EDARADD: variants seen among roughly 807,000 people sequenced by gnomAD.
EDARADD encodes the protein ectodysplasin-A receptor-associated adapter protein.
In EDARADD, 20 loss-of-function variants were observed where a neutral mutation model predicts 25.6. The observed-to-expected ratio is 0.78, with a 90% CI of 0.55 to 1.14. The LOEUF is 1.14. EDARADD is among the 50% of genes most tolerant of loss of function. The probability of loss-of-function intolerance (pLI) is 0.00; values close to 1 mark genes in which losing one functional copy is unlikely to be tolerated. For missense variants in EDARADD, 225 were observed against 270.1 expected, an observed-to-expected ratio of 0.83 and a Z score of 1.17; for synonymous variants, 86 against 94.4, an observed-to-expected ratio of 0.91 and a Z score of 0.52.
intron 5 of EDARADD, among the ~76,000 whole-genome samples, chr1:236,478,359 A>ATATG (rs139654551): frequency 5.5e-5 from 8 of 144,804 alleles, no homozygotes; most frequent in African/African-American, 2.1e-4. Context: ...CCATATATAT[A>ATATG]TGTGTGTGTG....
chr1:236,408,290 C>T (rs770885534), intron 1 of EDARADD, among the ~76,000 whole-genome samples: 5 of 152,046 alleles, frequency 3.3e-5, no homozygotes, highest in Non-Finnish European at 5.9e-5. Flanking sequence ...GCAACCTCCA[C>T]CTCCCAGGTT....
chr1:236,481,560 C>G (rs1428634079), intron 5 of EDARADD, among the ~76,000 whole-genome samples: 10 of 146,102 alleles, frequency 6.8e-5, no homozygotes, highest in South Asian at 6.5e-4. Flanking sequence ...TCTAGGAGTT[C>G]AAGACCAGCC....
intron 3 of EDARADD, among the ~76,000 whole-genome samples, chr1:236,377,811 T>A (rs1043728015): frequency 1.3e-5 from 2 of 151,654 alleles, no homozygotes; most frequent in Non-Finnish European, 2.9e-5. Flanking sequence ...TGAGCCAAGA[T>A]CGTGCCACTG....
chr1:236,420,728 C>T (rs187348898), intron 3 of EDARADD, among the ~76,000 whole-genome samples: 25 of 152,190 alleles, frequency 1.6e-4, no homozygotes, highest in Non-Finnish European at 3.4e-4. Context: ...AATTTGATAT[C>T]ACGTTGTTAA....
At chr1:236,451,172 A>C (rs989679383) in intron 4 of EDARADD, among the ~76,000 whole-genome samples, 3 of 152,104 alleles carry the variant, frequency 2.0e-5, no homozygotes, top group Admixed American at 2.0e-4. Context: ...AGAATCTACT[A>C]TCTTGATTCT....
intron 3 of EDARADD, among the ~76,000 whole-genome samples, chr1:236,381,390 C>T (rs1011480709): frequency 4.0e-5 from 6 of 151,570 alleles, no homozygotes; most frequent in African/African-American, 7.3e-5. Flanking sequence ...ATGTGCACAA[C>T]GTGCAGGTTT....
At chr1:236,401,004 G>T (rs1667604593) in intron 1 of EDARADD, among the ~76,000 whole-genome samples, 1 of 151,928 alleles carries the variant, frequency 6.6e-6, no homozygotes, top group African/African-American at 2.4e-5. Context: ...CAAGAACCAG[G>T]CTGGCCAACA....
chr1:236,471,778 CT>C (rs1659367326), intron 5 of EDARADD, among the ~76,000 whole-genome samples: 1 of 152,192 alleles, frequency 6.6e-6, no homozygotes, highest in African/African-American at 2.4e-5. Flanking sequence ...GTGGCAATCA[CT>C]CTCCAAAAGC....
chr1:236,433,898 A>AC (rs1254284918), intron 4 of EDARADD, among the ~76,000 whole-genome samples: 4 of 147,136 alleles, frequency 2.7e-5, no homozygotes, highest in Non-Finnish European at 4.5e-5. Flanking sequence ...AACAAAAAAA[A>AC]CAAAAAAAAA....
chr1:236,394,438 C>G lies in EDARADD; in HGVS notation c.-7C>G. On this transcript the variant is annotated 5_prime_UTR_variant, in exon 1 of 6. Coordinates refer to ENST00000334232, the MANE Select transcript of EDARADD (RefSeq NM_145861.4). ...CAGAGAATTAAGAAGCCAAACTCAA[C>G]ATCGCCATGGGCCTCAGGACGACTA... The G allele has an allele frequency of 6.2e-7, 1 of 1,614,126 alleles. No individual in the cohort carries two copies. Among genetic ancestry groups the G allele is most frequent in the Non-Finnish European group, 8.5e-7 (1 of 1,179,990 alleles).
At chr1:236,478,865 C>T (rs1026739603) in intron 5 of EDARADD, among the ~76,000 whole-genome samples, 14 of 152,136 alleles carry the variant, frequency 9.2e-5, no homozygotes, top group Non-Finnish European at 1.6e-4. Context: ...GGATTACAGG[C>T]GTGAGCCACC....
At chr1:236,410,990 A>C (rs928932932) in intron 2 of EDARADD, among the ~76,000 whole-genome samples, 1 of 152,148 alleles carries the variant, frequency 6.6e-6, no homozygotes, top group African/African-American at 2.4e-5. Context: ...GCTTGTTACT[A>C]AAGCCTTTGG....
At chr1:236,374,166 T>A (rs998943612) in intron 3 of EDARADD, among the ~76,000 whole-genome samples, 9 of 151,716 alleles carry the variant, frequency 5.9e-5, no homozygotes, top group Non-Finnish European at 1.3e-4. Flanking sequence ...TCAATAGATA[T>A]CAATAATATC....
rs188808693 is a variant in EDARADD, at chr1:236,456,728, C to T, written c.220-11503C>T. 3.7e-3 allele frequency among the ~76,000 whole-genome samples: 424 copies of T among 114,126 alleles called. 4 individuals are homozygous for T. The highest frequency in any genetic ancestry group is 0.013 in the African/African-American group (410 of 31,754). The allele number at this position is 114,126 out of a possible 152,430, so 74.9% of individuals were successfully genotyped here. On this transcript the variant is annotated intron_variant, in intron 4 of 5. Coordinates refer to ENST00000334232, the MANE Select transcript of EDARADD (RefSeq NM_145861.4). ...TTCTTTCTTCCCCTCCCCCCTCCCCCTCACTCCCTCTGCACCTGTGTTTCG... is the reference window on the plus strand; with the variant it reads ...TTCTTTCTTCCCCTCCCCCCTCCCCTTCACTCCCTCTGCACCTGTGTTTCG...
At chr1:236,378,151 G>T (rs1667248216) in intron 3 of EDARADD, among the ~76,000 whole-genome samples, 2 of 152,042 alleles carry the variant, frequency 1.3e-5, no homozygotes, top group African/African-American at 2.4e-5. Flanking sequence ...GTTGGAGTTG[G>T]GTATTTTCCT....
intron 4 of EDARADD, among the ~76,000 whole-genome samples, chr1:236,466,377 C>T (rs1261223551): frequency 6.6e-6 from 1 of 152,010 alleles, no homozygotes; most frequent in Non-Finnish European, 1.5e-5. Flanking sequence ...CACTATAATT[C>T]TCTCTTTCTG....
chr1:236,410,339 A>G (rs1157509825), intron 2 of EDARADD, among the ~76,000 whole-genome samples: 5 of 151,838 alleles, frequency 3.3e-5, no homozygotes, highest in African/African-American at 1.2e-4. Flanking sequence ...AAGTGAGAAC[A>G]TGCAGTATTT....
intron 4 of EDARADD, among the ~76,000 whole-genome samples, chr1:236,440,367 C>A (rs1346486377): frequency 6.6e-6 from 1 of 152,102 alleles, no homozygotes; most frequent in Non-Finnish European, 1.5e-5. Context: ...TTTGTCCCTC[C>A]ATGTAAATTT....
intron 4 of EDARADD, among the ~76,000 whole-genome samples, chr1:236,464,577 C>T (rs553844365): frequency 9.2e-5 from 14 of 151,902 alleles, no homozygotes; most frequent in African/African-American, 2.9e-4. Context: ...GGAACACAGG[C>T]GCTCACCACC....
Sources: allele counts gnomAD v4.1 joint callset (sites outside exome capture counted in the v4.1 genomes callset), GRCh38; gene constraint gnomAD v4.1.1; transcripts MANE v1.5; gene names NCBI Gene and HGNC (gene_info 2026-07-23, HGNC 2026-07-21).